The following NAA25 variants were observed in gnomAD, a reference collection of about 807,000 sequenced individuals.
The protein encoded by NAA25 is N-alpha-acetyltransferase 25, NatB auxiliary subunit.
A neutral mutation model predicts 132.5 loss-of-function variants in NAA25; 30 were observed. That is an observed-to-expected ratio of 0.23 (90% CI 0.17 to 0.31). The LOEUF is 0.31. Ranked by LOEUF, NAA25 falls within the 10% of genes least tolerant of loss-of-function variation. NAA25 has a pLI of 1.00. For synonymous variants in NAA25, 359 were observed against 401.9 expected, an observed-to-expected ratio of 0.89 and a Z score of 1.28; for missense variants, 771 against 1,150.4, an observed-to-expected ratio of 0.67 and a Z score of 4.77.
At chr12:112,071,391 G>A (rs1158984478) in intron 10 of NAA25, among the ~76,000 whole-genome samples, 1 of 152,098 alleles carries the variant, frequency 6.6e-6, no homozygotes, top group Admixed American at 6.6e-5. Flanking sequence ...TGGAGTGAAG[G>A]CACGATCTCA....
chr12:112,038,538 G>A (rs2078257599), intron 22 of NAA25, among the ~76,000 whole-genome samples: 2 of 152,128 alleles, frequency 1.3e-5, no homozygotes, highest in South Asian at 4.1e-4. Context: ...CTTTATGGGT[G>A]TCATATTAAT....
At chr12:112,036,370 C>T (rs1014694666) in intron 22 of NAA25, among the ~76,000 whole-genome samples, 8 of 152,102 alleles carry the variant, frequency 5.3e-5, no homozygotes, top group South Asian at 2.1e-4. Context: ...GTGGAACTGA[C>T]GTATGAATTC....
At chr12:112,042,211 T>A in intron 19 of NAA25, 107 bp from the exon 20 acceptor site, 1 of 498,102 alleles carries the variant, frequency 2.0e-6, no homozygotes, top group South Asian at 3.1e-5. Flanking sequence ...CATTTTCTTC[T>A]CTCTACAGAC....
intron 7 of NAA25, among the ~76,000 whole-genome samples, 153 bp from the exon 8 acceptor site, chr12:112,075,942 G>T (rs1555236766): frequency 6.6e-6 from 1 of 152,070 alleles, no homozygotes; most frequent in Non-Finnish European, 1.5e-5. Flanking sequence ...GAGTGCAATG[G>T]CACGATCTTG....
intron 1 of NAA25, among the ~76,000 whole-genome samples, chr12:112,103,708 G>C (rs564508509): frequency 6.6e-6 from 1 of 152,286 alleles, no homozygotes; most frequent in South Asian, 2.1e-4. Context: ...ATGAACTAGA[G>C]CAGTGGTCCC....
chr12:112,087,861 T>A (rs892370843), intron 3 of NAA25, 60 bp from the exon 4 acceptor site: 62 of 1,131,470 alleles, frequency 5.5e-5, no homozygotes, highest in Non-Finnish European at 7.7e-5. Context: ...TGGCATTTAA[T>A]GTTCTTCCTA....
Position 112,089,980 on chromosome 12 carries a change from C to T in NAA25, c.283+746G>A, listed in dbSNP as rs373472928. Among the ~76,000 whole-genome samples the T allele has an allele frequency of 2.5e-4, 38 of 151,164 alleles. No homozygotes were observed. The South Asian group carries it at 4.0e-3, about 16-fold the overall frequency. ...CCAAGTAGCTGGGATTACAGGCGTG[C>T]ACCACCACACCCAGTTAATTTTTGT... On this transcript the variant is annotated intron_variant, in intron 3 of 23. Coordinates refer to ENST00000261745, the MANE Select transcript of NAA25 (RefSeq NM_024953.4).
Position 112,047,720 on chromosome 12 carries a change from C to G in NAA25, c.1951G>C (p.Asp651His). ...TTTAAGTCTCTGTTGTCTCGCAAAT[C>G]TTCCCATGGAATGTCATCTTCTTCT... Reference protein sequence around the residue: ...RPEEDDIPWEDLRDNRDLNVF... With the variant: ...RPEEDDIPWEHLRDNRDLNVF... The change falls in exon 17 of 24, where the codon GAT (aspartate) becomes CAT (histidine). Residue 651 changes from aspartate to histidine, a missense_variant. Coordinates refer to ENST00000261745, the MANE Select transcript of NAA25 (RefSeq NM_024953.4). 6.2e-7 allele frequency: 1 copy of G among 1,614,058 alleles called. No individual in the cohort carries two copies. Among genetic ancestry groups the G allele is most frequent in the Non-Finnish European group, 8.5e-7 (1 of 1,179,960 alleles).
rs774314377 is a variant in NAA25, at chr12:112,043,693, G to A, written c.2182C>T (p.Arg728Cys). Residue 728 changes from arginine (R) to cysteine (C), a missense_variant, in exon 18 of 24, where the codon CGT (arginine) becomes TGT (cysteine). By Grantham distance (180) the Arg-to-Cys change is radical. This residue lies in a region of NAA25 where 324 missense variants were observed against 400.0 expected (regional missense o/e 0.81). Transcript: ENST00000261745. ...GCCTCCAGCTGTTGAAGGAGCAAACGAAGAATATCAATCCGGGAGGATACC... is the reference window on the plus strand; with the variant it reads ...GCCTCCAGCTGTTGAAGGAGCAAACAAAGAATATCAATCCGGGAGGATACC... ...NGVSSRIDIL[R>C]LLLQQLEATL... 6.2e-6 allele frequency: 10 copies of A among 1,614,044 alleles called. No homozygotes were observed. The highest frequency in any genetic ancestry group is 4.0e-5 in the African/African-American group (3 of 74,928).
At chr12:112,087,628 A>G in intron 4 of NAA25, 55 bp downstream of exon 4, 1 of 1,211,930 alleles carries the variant, frequency 8.3e-7, no homozygotes, top group South Asian at 1.3e-5. Flanking sequence ...CAAGAAAGAG[A>G]CTTTTGCCTC....
In NAA25 at chr12:112,033,383, G is replaced by A. The variant is rs2078176329; in HGVS notation, c.2650-4C>T. The A allele has an allele frequency of 1.3e-6, 2 of 1,589,784 alleles. No individual in the cohort carries two copies. Among genetic ancestry groups the A allele is most frequent in the Non-Finnish European group, 1.7e-6 (2 of 1,171,964 alleles). The stretch of plus-strand genomic sequence containing the variant: ...GGAAACTGGTAAAGACAGGTGGCTG[G>A]GAAAAAGATTAAAAAAGAGTTGAAA... On this transcript the variant is annotated splice_region_variant and splice_polypyrimidine_tract_variant and intron_variant, in intron 22 of 23. Coordinates refer to ENST00000261745, the MANE Select transcript of NAA25 (RefSeq NM_024953.4).
At chr12:112,054,600 C>G (rs376967278) in intron 13 of NAA25, 32 bp from the exon 14 acceptor site, 3 of 1,578,322 alleles carry the variant, frequency 1.9e-6, no homozygotes, top group African/African-American at 2.7e-5. Flanking sequence ...ATCCACTGAT[C>G]TTGACAGCAA....
At chr12:112,082,163 G>C (rs910295954) in intron 4 of NAA25, among the ~76,000 whole-genome samples, 1 of 152,112 alleles carries the variant, frequency 6.6e-6, no homozygotes, top group Non-Finnish European at 1.5e-5. Context: ...AGACAGAATC[G>C]CTTGAACCCG....
intron 13 of NAA25, among the ~76,000 whole-genome samples, chr12:112,059,326 G>A (rs1479580328): frequency 6.6e-6 from 1 of 151,962 alleles, no homozygotes; most frequent in Non-Finnish European, 1.5e-5. Context: ...CAGGGGTTGT[G>A]TTTATCTTGC....
intron 5 of NAA25, among the ~76,000 whole-genome samples, chr12:112,079,550 T>G (rs915187866): frequency 6.6e-6 from 1 of 151,538 alleles, no homozygotes; most frequent in African/African-American, 2.4e-5. Context: ...GTCATGCCAC[T>G]GCACTCCAGC....
intron 4 of NAA25, among the ~76,000 whole-genome samples, chr12:112,084,204 C>G (rs2079011910): frequency 6.6e-6 from 1 of 152,164 alleles, no homozygotes; most frequent in Non-Finnish European, 1.5e-5. Flanking sequence ...GTTTCAAAAT[C>G]ACCAGCCAGA....
chr12:112,088,022 A>G (rs924034434), intron 3 of NAA25, among the ~76,000 whole-genome samples: 2 of 152,216 alleles, frequency 1.3e-5, no homozygotes, highest in Non-Finnish European at 2.9e-5. Context: ...AAGACCTTAT[A>G]GGATCTGGCC....
At chr12:112,085,293 GA>G (rs2079029945) in intron 4 of NAA25, among the ~76,000 whole-genome samples, 1 of 151,592 alleles carries the variant, frequency 6.6e-6, no homozygotes, top group African/African-American at 2.4e-5. Flanking sequence ...TCGGGAGGCA[GA>G]GGCAGGAGAA....
At chr12:112,046,549 C>G (rs2078383919) in intron 17 of NAA25, among the ~76,000 whole-genome samples, 2 of 152,238 alleles carry the variant, frequency 1.3e-5, no homozygotes, top group South Asian at 4.1e-4. Flanking sequence ...CACTTCTTAG[C>G]ATGTTTCTGC....
Sources: allele counts gnomAD v4.1 joint callset (sites outside exome capture counted in the v4.1 genomes callset), GRCh38; gene constraint gnomAD v4.1.1; regional missense constraint gnomAD v4.1.1; transcripts MANE v1.5; gene names NCBI Gene and HGNC (gene_info 2026-07-23, HGNC 2026-07-21).